CHRM3: variants seen among roughly 807,000 people sequenced by gnomAD.
The protein encoded by CHRM3 is cholinergic receptor muscarinic 3.
A neutral mutation model predicts 41.8 loss-of-function variants in CHRM3; 11 were observed. That is an observed-to-expected ratio of 0.26 (90% CI 0.17 to 0.44). The LOEUF is 0.44. Ranked by LOEUF, CHRM3 falls within the 20% of genes least tolerant of loss-of-function variation. The pLI is 1.00. For missense variants in CHRM3, 571 were observed against 745.4 expected (o/e 0.77, Z 2.72); for synonymous variants, 297 against 301.4 (o/e 0.99, Z 0.15).
intron 4 of CHRM3, among the ~76,000 whole-genome samples, chr1:239,677,169 A>G (rs1349350621): frequency 6.6e-6 from 1 of 152,106 alleles, no homozygotes; most frequent in Non-Finnish European, 1.5e-5. Flanking sequence ...TTAGCTTTCC[A>G]CATCCTGAAT....
intron 3 of CHRM3, among the ~76,000 whole-genome samples, chr1:239,631,912 T>C (rs1489811817): frequency 6.6e-6 from 1 of 152,202 alleles, no homozygotes; most frequent in Non-Finnish European, 1.5e-5. Flanking sequence ...TTATTTTTAT[T>C]CTTCTCACTC....
intron 2 of CHRM3, among the ~76,000 whole-genome samples, chr1:239,501,276 A>G (rs564022976): frequency 1.3e-5 from 2 of 152,342 alleles, no homozygotes; most frequent in Admixed American, 1.3e-4. Flanking sequence ...GAACAAATGG[A>G]CTTAACAGAT....
chr1:239,912,054 A>G lies in CHRM3; in HGVS notation c.*2830A>G, dbSNP rs557488770. 1 of 167,214 alleles carries G rather than the reference A, an allele frequency of 6.0e-6. No individual in the cohort carries two copies. The highest frequency in any genetic ancestry group is 2.1e-4 in the South Asian group (1 of 4,832). The allele number at this position is 167,214 out of a possible 1,614,324, so 10.4% of individuals were successfully genotyped here. ...CATGCCATATGCATGAGGTTTGCAG[A>G]CATTTCAAGATTAGCCACTTTGCTT... On this transcript the variant is annotated 3_prime_UTR_variant, in exon 7 of 7. Coordinates refer to ENST00000676153, the MANE Select transcript of CHRM3 (RefSeq NM_001375978.1).
intron 5 of CHRM3, among the ~76,000 whole-genome samples, chr1:239,725,213 C>T (rs1663326320): frequency 6.6e-6 from 1 of 151,940 alleles, no homozygotes; most frequent in South Asian, 2.1e-4. Flanking sequence ...CGCTAGCATA[C>T]TTTATGAAAT....
intron 3 of CHRM3, among the ~76,000 whole-genome samples, chr1:239,585,317 G>C (rs979263358): frequency 2.6e-5 from 4 of 152,088 alleles, no homozygotes; most frequent in African/African-American, 9.7e-5. Flanking sequence ...CTGGTTAGGA[G>C]AGAAGTGTGT....
rs75878888 is a variant in CHRM3 at position 239,878,948 on chromosome 1, C to T, written c.-19-28485C>T. On this transcript the variant is annotated intron_variant, in intron 6 of 6. Transcript: ENST00000676153. ...CCATGGAGGGTAAGACAGGACTTTACAGGTCTACAGTGGCAAGTGCAGAGG... is the reference window on the plus strand; with the variant it reads ...CCATGGAGGGTAAGACAGGACTTTATAGGTCTACAGTGGCAAGTGCAGAGG... Among the ~76,000 whole-genome samples the T allele has an allele frequency of 7.7e-4, 117 of 152,222 alleles. No homozygotes were observed. The East Asian group carries it at 0.016, about 21-fold the overall frequency.
At chr1:239,459,594 T>A (rs952780484) in intron 1 of CHRM3, among the ~76,000 whole-genome samples, 1 of 152,190 alleles carries the variant, frequency 6.6e-6, no homozygotes, top group African/African-American at 2.4e-5. Context: ...ATAATTATAC[T>A]TAAATGAAAG....
chr1:239,789,934 G>A (rs1048540976), intron 5 of CHRM3, among the ~76,000 whole-genome samples: 4 of 152,216 alleles, frequency 2.6e-5, no homozygotes, highest in African/African-American at 9.6e-5. Context: ...GAGACATGGA[G>A]TGAAAGGAGA....
intron 1 of CHRM3, among the ~76,000 whole-genome samples, chr1:239,467,800 C>G (rs1016195105): frequency 6.6e-6 from 1 of 152,060 alleles, no homozygotes; most frequent in Non-Finnish European, 1.5e-5. Context: ...GAATGTCATG[C>G]TTTTCTCTTG....
chr1:239,874,718 G>A (rs889496004), intron 6 of CHRM3, among the ~76,000 whole-genome samples: 6 of 150,486 alleles, frequency 4.0e-5, no homozygotes, highest in Admixed American at 1.3e-4. Context: ...TTTATTTTGC[G>A]ATGGAGACTT....
chr1:239,449,656 T>C (rs1359039116), intron 1 of CHRM3, among the ~76,000 whole-genome samples: 3 of 152,192 alleles, frequency 2.0e-5, no homozygotes, highest in African/African-American at 7.2e-5. Flanking sequence ...AGATAATAGT[T>C]AATTACAGTA....
intron 6 of CHRM3, among the ~76,000 whole-genome samples, chr1:239,902,231 G>A (rs968193517): frequency 3.3e-5 from 5 of 152,104 alleles, no homozygotes; most frequent in East Asian, 1.9e-4. Context: ...CAAGATCCCC[G>A]TTAATACTTC....
intron 5 of CHRM3, among the ~76,000 whole-genome samples, chr1:239,721,128 AG>A (rs1407067547): frequency 2.0e-5 from 3 of 151,958 alleles, no homozygotes; most frequent in Admixed American, 6.6e-5. Flanking sequence ...AACTCTGCAC[AG>A]TATAATGATT....
At chr1:239,736,318 T>C (rs767406384) in intron 5 of CHRM3, among the ~76,000 whole-genome samples, 1 of 152,028 alleles carries the variant, frequency 6.6e-6, no homozygotes, top group East Asian at 1.9e-4. Context: ...TAAAGCAGCC[T>C]CTTTGAGGAC....
chr1:239,900,363 T>G (rs950728876), intron 6 of CHRM3, among the ~76,000 whole-genome samples: 1 of 149,968 alleles, frequency 6.7e-6, no homozygotes, highest in Non-Finnish European at 1.5e-5. Flanking sequence ...TTCTAATAAG[T>G]ACTTTTAGAT....
chr1:239,549,867 T>C (rs1659650613), intron 3 of CHRM3, among the ~76,000 whole-genome samples: 1 of 151,922 alleles, frequency 6.6e-6, no homozygotes, highest in African/African-American at 2.4e-5. Context: ...ATGAAATCTT[T>C]ACTACAGTGC....
chr1:239,410,271 T>G (rs1198913387), intron 1 of CHRM3, among the ~76,000 whole-genome samples: 1 of 152,146 alleles, frequency 6.6e-6, no homozygotes, highest in Non-Finnish European at 1.5e-5. Context: ...AATCCAGTGT[T>G]TCTCAATGGG....
chr1:239,771,833 T>G (rs1667700624), intron 5 of CHRM3, among the ~76,000 whole-genome samples: 1 of 152,190 alleles, frequency 6.6e-6, no homozygotes, highest in Non-Finnish European at 1.5e-5. Flanking sequence ...TAGATAAATA[T>G]GCAGATATGA....
Position 239,912,124 on chromosome 1 carries a change from ATC to A in CHRM3, c.*2916_*2917del, listed in dbSNP as rs150529971. On this transcript the variant is annotated 3_prime_UTR_variant, in exon 7 of 7. Coordinates refer to ENST00000676153, the MANE Select transcript of CHRM3 (RefSeq NM_001375978.1). Reference sequence around the variant, plus strand: ...ACCTAAAATAAACTACACATGGAGAATCTCTCTCTCTCTCTCTGCCTCTCTCT... The same window carrying A: ...ACCTAAAATAAACTACACATGGAGAATCTCTCTCTCTCTCTGCCTCTCTCT... The A allele has an allele frequency of 2.5e-3, 405 of 159,170 alleles. No homozygotes were observed. The highest frequency in any genetic ancestry group is 5.5e-4 in the Non-Finnish European group (37 of 66,908). The allele number at this position is 159,170 out of a possible 1,614,324, so 9.9% of individuals were successfully genotyped here. A position where few individuals can be genotyped will look rare whatever the true frequency, so the allele number is the denominator to read the frequency against.
Sources: gnomAD v4.1 joint callset for allele counts (sites outside exome capture counted in the v4.1 genomes callset) on GRCh38, gnomAD v4.1.1 for gene constraint, MANE v1.5 for transcripts, NCBI Gene and HGNC (gene_info 2026-07-23, HGNC 2026-07-21) for gene names.